Variants in NAA15 observed in about 807,000 individuals in gnomAD.
NAA15 encodes the protein N-terminal acetyltransferase.
Under a neutral mutation model 114.0 loss-of-function variants are expected in NAA15, and 34 were observed. The ratio of observed to expected loss-of-function variants is 0.30; its 90% CI spans 0.23 to 0.40. The LOEUF (loss-of-function observed/expected upper bound fraction) is 0.40, where lower values mean the gene tolerates loss of function less well. NAA15 is among the 10% of genes least tolerant of loss of function. The pLI is 1.00. For missense variants in NAA15, 658 were observed against 1,004.5 expected (o/e 0.66, Z 4.66); for synonymous variants, 340 against 338.0 (o/e 1.01, Z -0.06).
At chr4:139,347,221 A>G (rs2110924342) in intron 6 of NAA15, among the ~76,000 whole-genome samples, 1 of 152,200 alleles carries the variant, frequency 6.6e-6, no homozygotes, top group South Asian at 2.1e-4. Context: ...TAGCGCTCCT[A>G]GCTTATTTAG....
intron 1 of NAA15, among the ~76,000 whole-genome samples, chr4:139,329,387 T>C (rs1746921751): frequency 6.6e-6 from 1 of 152,206 alleles, no homozygotes; most frequent in Non-Finnish European, 1.5e-5. Context: ...ATATTTTCTA[T>C]TGGATGTTAT....
chr4:139,315,617 C>G (rs756802524), intron 1 of NAA15, among the ~76,000 whole-genome samples: 1 of 151,838 alleles, frequency 6.6e-6, no homozygotes, highest in African/African-American at 2.4e-5. Flanking sequence ...TAGTGAGATA[C>G]GTATACAAGT....
chr4:139,305,781 GC>G (rs1281285601), intron 1 of NAA15, among the ~76,000 whole-genome samples: 4 of 152,140 alleles, frequency 2.6e-5, no homozygotes, highest in African/African-American at 9.7e-5. Context: ...TGATCCACCC[GC>G]CTTGGCCTCC....
intron 14 of NAA15, among the ~76,000 whole-genome samples, chr4:139,364,454 G>A (rs955146631): frequency 6.6e-6 from 1 of 152,062 alleles, no homozygotes; most frequent in Non-Finnish European, 1.5e-5. Flanking sequence ...ACGTTGTAAG[G>A]TGGAGGGTGG....
At chr4:139,329,742 C>T (rs1284244552) in intron 1 of NAA15, among the ~76,000 whole-genome samples, 1 of 152,188 alleles carries the variant, frequency 6.6e-6, no homozygotes. Flanking sequence ...AAACTTAGTA[C>T]TCAACAGTTT....
chr4:139,355,867 A>C (rs1467187380), intron 10 of NAA15, among the ~76,000 whole-genome samples: 1 of 152,216 alleles, frequency 6.6e-6, no homozygotes, highest in Non-Finnish European at 1.5e-5. Flanking sequence ...ACTGTTAAGA[A>C]TTACCAACTG....
chr4:139,364,543 C>T (rs1748224009), intron 14 of NAA15, among the ~76,000 whole-genome samples: 1 of 152,070 alleles, frequency 6.6e-6, no homozygotes, highest in South Asian at 2.1e-4. Flanking sequence ...GTATTCCTCG[C>T]TGATTTCAAA....
chr4:139,360,688 T>G, intron 13 of NAA15, 60 bp downstream of exon 13: 1 of 1,418,576 alleles, frequency 7.0e-7, no homozygotes, highest in Non-Finnish European at 9.4e-7. Context: ...TTGGACAAAT[T>G]TCATAGTTTT....
At chr4:139,368,081 C>A (rs1377218564) in intron 14 of NAA15, among the ~76,000 whole-genome samples, 4 of 152,314 alleles carry the variant, frequency 2.6e-5, no homozygotes, top group Admixed American at 2.6e-4. Flanking sequence ...GTTATTCCCA[C>A]ATTTTAGGTT....
At chr4:139,328,718 CCA>C (rs1342412308) in intron 1 of NAA15, among the ~76,000 whole-genome samples, 14 of 151,780 alleles carry the variant, frequency 9.2e-5, no homozygotes, top group Non-Finnish European at 1.0e-4. Context: ...CAGGCACGTG[CCA>C]CCACACCCAG....
chr4:139,307,916 A>G (rs747683366), intron 1 of NAA15, among the ~76,000 whole-genome samples: 2 of 152,128 alleles, frequency 1.3e-5, no homozygotes, highest in African/African-American at 2.4e-5. Flanking sequence ...AAGGAGTAGT[A>G]ATACTTATTA....
In NAA15 at chr4:139,361,867, T is replaced by C. The variant is rs1397956760; in HGVS notation, c.1683T>C (p.Ala561=). Residue 561 remains alanine (A), a synonymous_variant, in exon 14 of 20, where the codon GCT becomes GCC. Coordinates refer to ENST00000296543, the MANE Select transcript of NAA15 (RefSeq NM_057175.5). ...HPFYFKAARI[A]IEIYLKLHDN... is the part of the protein sequence containing the mutation. ...TTTACTTCAAGGCAGCAAGAATTGC[T>C]ATAGAGATCTATTTGAAGCTTCATG... 5.0e-6 allele frequency: 8 copies of C among 1,613,820 alleles called. No homozygotes were observed. The highest frequency in any genetic ancestry group is 6.8e-6 in the Non-Finnish European group (8 of 1,179,832).
At chr4:139,385,130 T>C in intron 18 of NAA15, 152 bp downstream of exon 18, 1 of 593,796 alleles carries the variant, frequency 1.7e-6, no homozygotes, top group Non-Finnish European at 2.5e-6. Flanking sequence ...TAAATAAGCT[T>C]CCTAAGCTGG....
At chr4:139,384,350 C>G (rs1315660079) in intron 17 of NAA15, among the ~76,000 whole-genome samples, 1 of 152,100 alleles carries the variant, frequency 6.6e-6, no homozygotes, top group Non-Finnish European at 1.5e-5. Flanking sequence ...TGGTAGCTTG[C>G]ACCTGTGGTC....
At chr4:139,349,408 A>G (rs911965887) in intron 6 of NAA15, 54 bp from the exon 7 acceptor site, 3 of 1,433,418 alleles carry the variant, frequency 2.1e-6, no homozygotes, top group Non-Finnish European at 2.8e-6. Context: ...TTAAAATTCT[A>G]ATTGGAAGGT....
At position 139,385,270 on chromosome 4, in the gene NAA15, CATATATATATATAATAT is replaced by C. The variant is rs1553999056; in HGVS notation, c.2302+314_2302+330del. On this transcript the variant is annotated intron_variant, in intron 18 of 19. Transcript: ENST00000296543. ...TGTTTCAAATCAAAACAAAACCAAA[CATATATATATATAATAT>C]ATATATATATATAATATATATTATA... Among the ~76,000 whole-genome samples the C allele has an allele frequency of 1.1e-3, 105 of 91,778 alleles. 4 individuals carry two copies. Among genetic ancestry groups the C allele is most frequent in the Middle Eastern group, 9.8e-3 (2 of 204 alleles). 60.2% of individuals were successfully genotyped at this position (91,778 alleles called of 152,430 possible).
rs1167442777 is a variant in NAA15, at chr4:139,344,293, C to A, written c.645C>A (p.Thr215=). 6.2e-7 allele frequency: 1 copy of A among 1,611,200 alleles called. No homozygotes were observed. Among genetic ancestry groups the A allele is most frequent in the Non-Finnish European group, 8.5e-7 (1 of 1,178,854 alleles). Residue 215 remains threonine, a synonymous_variant, in exon 6 of 20, where the codon ACC becomes ACA. Coordinates refer to ENST00000296543, the MANE Select transcript of NAA15 (RefSeq NM_057175.5). ...LYREALEHLC[T]YEKQICDKLA... is the part of the protein sequence containing the mutation. The stretch of plus-strand genomic sequence containing the variant: ...GAGAAGCTTTGGAACATCTTTGTAC[C>A]TATGAAAAGCAGATTTGTGATAAAC...
intron 1 of NAA15, among the ~76,000 whole-genome samples, chr4:139,328,660 C>T (rs1156512131): frequency 5.3e-5 from 8 of 151,440 alleles, no homozygotes; most frequent in African/African-American, 1.2e-4. Flanking sequence ...CTCCACCCCC[C>T]GGGTTCAAGT....
intron 5 of NAA15, among the ~76,000 whole-genome samples, chr4:139,343,823 A>G (rs1040885016): frequency 1.3e-5 from 2 of 152,148 alleles, no homozygotes; most frequent in Non-Finnish European, 2.9e-5. Context: ...TTTAGCATTC[A>G]TTGATTATGA....
Sources: gnomAD v4.1 joint callset for allele counts (sites outside exome capture counted in the v4.1 genomes callset) on GRCh38, gnomAD v4.1.1 for gene constraint, MANE v1.5 for transcripts, NCBI Gene and HGNC (gene_info 2026-07-23, HGNC 2026-07-21) for gene names.